NTRK2: variants seen among roughly 807,000 people sequenced by gnomAD.
NTRK2 encodes BDNF/NT-3 growth factors receptor.
A neutral mutation model predicts 94.5 loss-of-function variants in NTRK2; 13 were observed. That is an observed-to-expected ratio of 0.14 (90% CI 0.09 to 0.22). The LOEUF (loss-of-function observed/expected upper bound fraction) is 0.22. NTRK2 is among the 10% of genes least tolerant of loss of function. The probability of loss-of-function intolerance (pLI) is 1.00; values close to 1 mark genes in which losing one functional copy is unlikely to be tolerated. For missense variants in NTRK2, 639 were observed against 1,071.2 expected, an observed-to-expected ratio of 0.60 and a Z score of 5.63; for synonymous variants, 372 against 407.4, an observed-to-expected ratio of 0.91 and a Z score of 1.05.
At chr9:84,872,510 T>C (rs2075903035) in intron 14 of NTRK2, 3 of 1,067,146 alleles carry the variant, frequency 2.8e-6, no homozygotes, top group Admixed American at 5.1e-5. Context: ...TCTCTAAATA[T>C]GTACCTGGAT....
intron 5 of NTRK2, 85 bp from the exon 6 acceptor site, chr9:84,710,552 T>A (rs925021489): frequency 1.4e-5 from 20 of 1,410,056 alleles, no homozygotes; most frequent in Non-Finnish European, 1.5e-5. Context: ...TAGAAAGAAT[T>A]CATAATGTTG....
At chr9:84,941,597 C>T (rs182111282) in intron 15 of NTRK2, among the ~76,000 whole-genome samples, 37 of 152,246 alleles carry the variant, frequency 2.4e-4, no homozygotes, top group Admixed American at 1.2e-3. Context: ...ACATGATGAA[C>T]GAATTCCCAG....
chr9:84,780,165 C>T (rs2067430766), intron 12 of NTRK2, among the ~76,000 whole-genome samples: 1 of 152,028 alleles, frequency 6.6e-6, no homozygotes, highest in South Asian at 2.1e-4. Context: ...CCTGAGCTAT[C>T]CCCTTAAAAC....
chr9:84,694,418 G>T (rs898820203), intron 2 of NTRK2, among the ~76,000 whole-genome samples: 1 of 152,202 alleles, frequency 6.6e-6, no homozygotes, highest in Non-Finnish European at 1.5e-5. Context: ...TCAACAGCAT[G>T]CAGTAGTAAG....
intron 2 of NTRK2, among the ~76,000 whole-genome samples, chr9:84,695,640 C>A (rs912169396): frequency 6.6e-6 from 1 of 152,212 alleles, no homozygotes. Context: ...ATAGCATGTA[C>A]TGTGTTTATG....
chr9:84,846,487 T>C (rs953193046), intron 12 of NTRK2, among the ~76,000 whole-genome samples: 1 of 152,234 alleles, frequency 6.6e-6, no homozygotes, highest in African/African-American at 2.4e-5. Context: ...TCTTTCACGT[T>C]AGTGTTTTAA....
At chr9:84,733,559 T>C (rs576129817) in intron 9 of NTRK2, among the ~76,000 whole-genome samples, 25 of 152,180 alleles carry the variant, frequency 1.6e-4, no homozygotes, top group African/African-American at 5.8e-4. Context: ...TGCAGGATGG[T>C]GGGAATAAAA....
intron 14 of NTRK2, chr9:84,873,072 GC>G: frequency 1.9e-6 from 2 of 1,064,080 alleles, no homozygotes; most frequent in South Asian, 4.6e-5. Flanking sequence ...AGAGTGCGGG[GC>G]CCCTCAGAGT....
At position 84,742,789 on chromosome 9, in the gene NTRK2, G is replaced by GTTTTTTT. The variant is rs757253032; in HGVS notation, c.1195+883_1195+889dup. ...AAAGAAACCAAAGTCCATTATATTA[G>GTTTTTTT]TTTTTTTTTTTTTTTTTTTTTTTTT... On this transcript the variant is annotated intron_variant, in intron 10 of 18. Transcript: ENST00000277120. Among the ~76,000 whole-genome samples, 288 of 103,656 alleles carry GTTTTTTT rather than the reference G, an allele frequency of 2.8e-3. 19 individuals carry two copies. Among genetic ancestry groups the GTTTTTTT allele is most frequent in the African/African-American group, 7.9e-3 (197 of 24,848 alleles). The allele number at this position is 103,656 out of a possible 152,430, so 68.0% of individuals were successfully genotyped here.
intron 14 of NTRK2, among the ~76,000 whole-genome samples, chr9:84,891,488 G>A (rs1468893994): frequency 3.9e-5 from 6 of 152,122 alleles, no homozygotes; most frequent in Non-Finnish European, 7.3e-5. Flanking sequence ...AAATAGTCAA[G>A]TAAAACGAAC....
chr9:84,962,746 C>T (rs1030577434), intron 17 of NTRK2, among the ~76,000 whole-genome samples: 1 of 152,134 alleles, frequency 6.6e-6, no homozygotes, highest in African/African-American at 2.4e-5. Flanking sequence ...ATGCTTTTGC[C>T]TCACTCAGAC....
At chr9:84,880,373 A>T (rs1014947646) in intron 14 of NTRK2, among the ~76,000 whole-genome samples, 2 of 152,216 alleles carry the variant, frequency 1.3e-5, no homozygotes, top group African/African-American at 4.8e-5. Flanking sequence ...AGTGTCTAGT[A>T]AAGCCTTCTT....
intron 12 of NTRK2, among the ~76,000 whole-genome samples, chr9:84,769,513 C>A (rs1197205226): frequency 6.6e-6 from 1 of 152,192 alleles, no homozygotes; most frequent in Non-Finnish European, 1.5e-5. Context: ...TACTATAGAT[C>A]TGTGTTAACC....
At chr9:84,940,506 C>G (rs996637509) in intron 15 of NTRK2, among the ~76,000 whole-genome samples, 4 of 152,156 alleles carry the variant, frequency 2.6e-5, no homozygotes, top group Admixed American at 2.0e-4. Context: ...TGCTGATTCC[C>G]CAAGAGGGAA....
chr9:84,932,289 C>T (rs975989126), intron 14 of NTRK2, among the ~76,000 whole-genome samples: 2 of 152,018 alleles, frequency 1.3e-5, no homozygotes, highest in Non-Finnish European at 2.9e-5. Context: ...TCAAGGACAC[C>T]GTTGAGAGAG....
intron 17 of NTRK2, among the ~76,000 whole-genome samples, chr9:85,010,458 G>A (rs769756527): frequency 6.6e-6 from 1 of 152,122 alleles, no homozygotes; most frequent in Non-Finnish European, 1.5e-5. Context: ...GAAAAGCTCG[G>A]TAACATTGAA....
chr9:84,714,176 C>T, intron 6 of NTRK2, among the ~76,000 whole-genome samples: 1 of 151,854 alleles, frequency 6.6e-6, no homozygotes, highest in Admixed American at 6.6e-5. Context: ...GATTTTTTTT[C>T]CTTTCAACCA....
intron 12 of NTRK2, among the ~76,000 whole-genome samples, chr9:84,779,766 T>C (rs943100887): frequency 6.6e-6 from 1 of 152,204 alleles, no homozygotes; most frequent in African/African-American, 2.4e-5. Context: ...TTTAATTAGA[T>C]CAGAAAAGAG....
In NTRK2 at chr9:85,021,626, T is replaced by C; in HGVS notation, c.*189T>C. The C allele has an allele frequency of 1.6e-6, 1 of 643,202 alleles. No homozygotes were observed. Among genetic ancestry groups the C allele is most frequent in the South Asian group, 1.8e-5 (1 of 56,804 alleles). The allele number at this position is 643,202 out of a possible 1,614,324, so 39.8% of individuals were successfully genotyped here. A position where few individuals can be genotyped will look rare whatever the true frequency, so the allele number is the denominator to read the frequency against. On this transcript the variant is annotated 3_prime_UTR_variant, in exon 19 of 19. Coordinates refer to ENST00000277120, the MANE Select transcript of NTRK2 (RefSeq NM_006180.6). Reference sequence around the variant, plus strand: ...CTTCATCCATAGACACAGTATTGACTTCTTTTTGGCATTATCTCTTTCTCT... The same window carrying C: ...CTTCATCCATAGACACAGTATTGACCTCTTTTTGGCATTATCTCTTTCTCT...
Sources: allele counts gnomAD v4.1 joint callset (sites outside exome capture counted in the v4.1 genomes callset), GRCh38; gene constraint gnomAD v4.1.1; transcripts MANE v1.5; gene names NCBI Gene and HGNC (gene_info 2026-07-23, HGNC 2026-07-21).